Variants in PBK observed in about 807,000 individuals in gnomAD.
PBK encodes the protein PDZ binding kinase, also known as lymphokine-activated killer T-cell-originated protein kinase.
PBK carries 22 observed loss-of-function variants against 33.5 expected under a neutral mutation model. That is an observed-to-expected ratio of 0.66 (90% CI 0.47 to 0.94). The LOEUF (loss-of-function observed/expected upper bound fraction) is 0.94, where lower values mean the gene tolerates loss of function less well. PBK is among the 40% of genes least tolerant of loss of function. PBK has a pLI of 0.00. For missense variants in PBK, 376 were observed against 383.4 expected (o/e 0.98, Z 0.16); for synonymous variants, 129 against 123.8 (o/e 1.04, Z -0.28).
At chr8:27,812,305 C>G (rs1358952417) in intron 6 of PBK, 1 of 152,068 alleles carries the variant, frequency 6.6e-6, no homozygotes, top group Non-Finnish European at 1.5e-5. Flanking sequence ...TTTTCGGTAT[C>G]TATTGAGATA....
At position 27,809,893 on chromosome 8, in the gene PBK, G is replaced by A. The variant is rs112744328; in HGVS notation, c.*412C>T. On this transcript the variant is annotated 3_prime_UTR_variant, in exon 8 of 8. Coordinates refer to ENST00000301905, the MANE Select transcript of PBK (RefSeq NM_018492.4). Reference sequence around the variant, plus strand: ...CATTTGATAAACACATCAGCAAAAGGTTCAGTGTTTTAAACAAATGTAGAC... The same window carrying A: ...CATTTGATAAACACATCAGCAAAAGATTCAGTGTTTTAAACAAATGTAGAC... 1,201 of 158,418 alleles carry A rather than the reference G, an allele frequency of 7.6e-3. 14 individuals are homozygous for A. Among genetic ancestry groups the A allele is most frequent in the African/African-American group, 0.027 (1,135 of 41,562 alleles). 9.8% of individuals were successfully genotyped at this position (158,418 alleles called of 1,614,324 possible).
intron 3 of PBK, among the ~76,000 whole-genome samples, chr8:27,827,817 A>G (rs1806054721): frequency 6.6e-6 from 1 of 152,218 alleles, no homozygotes; most frequent in African/African-American, 2.4e-5. Flanking sequence ...AATTACCACA[A>G]AGGAACCCTT....
chr8:27,811,937 C>G (rs1229018831), intron 6 of PBK: 2 of 152,104 alleles, frequency 1.3e-5, no homozygotes, highest in Admixed American at 1.3e-4. Context: ...CAATTATATA[C>G]TGCTAATACA....
At chr8:27,828,242 A>C (rs776498886) in intron 2 of PBK, 44 bp from the exon 3 acceptor site, 3 of 910,220 alleles carry the variant, frequency 3.3e-6, no homozygotes, top group Non-Finnish European at 5.1e-6. Flanking sequence ...AAAAAATAAA[A>C]ATAAAGCATC....
At chr8:27,812,929 A>G (rs763948184) in intron 6 of PBK, among the ~76,000 whole-genome samples, 13 of 152,348 alleles carry the variant, frequency 8.5e-5, no homozygotes, top group Middle Eastern at 6.8e-3. Flanking sequence ...TCAAGGATCT[A>G]GAACTAGAAA....
chr8:27,811,196 A>T, intron 6 of PBK, 62 bp from the exon 7 acceptor site: 1 of 1,468,872 alleles, frequency 6.8e-7, no homozygotes, highest in Non-Finnish European at 9.5e-7. Flanking sequence ...CAAGCAACCC[A>T]AAGGGAAACA....
At chr8:27,812,691 C>T (rs906423796) in intron 6 of PBK, 5 of 149,802 alleles carry the variant, frequency 3.3e-5, no homozygotes, top group African/African-American at 1.2e-4. Flanking sequence ...CAAAAGAAGA[C>T]ATTTATGCAG....
intron 1 of PBK, among the ~76,000 whole-genome samples, chr8:27,834,165 C>A (rs538059814): frequency 6.6e-6 from 1 of 151,986 alleles, no homozygotes; most frequent in Non-Finnish European, 1.5e-5. Context: ...GTAGCTGGGA[C>A]TACCAGCGCC....
At chr8:27,812,447 A>G (rs970887182) in intron 6 of PBK, 3 of 152,182 alleles carry the variant, frequency 2.0e-5, no homozygotes, top group Admixed American at 6.5e-5. Flanking sequence ...ACCAAAAGCA[A>G]TGGCAGCAAA....
chr8:27,831,267 C>G (rs1806124078), intron 2 of PBK, among the ~76,000 whole-genome samples: 1 of 152,038 alleles, frequency 6.6e-6, no homozygotes, highest in South Asian at 2.1e-4. Flanking sequence ...GCACCAGAAT[C>G]ACTTGAGCCC....
rs1805907461 is a variant in PBK, at chr8:27,820,682, C to T, written c.478G>A (p.Glu160Lys). 1 of 1,557,122 alleles carries T rather than the reference C, an allele frequency of 6.4e-7. No homozygotes were observed. The highest frequency in any genetic ancestry group is 1.4e-5 in the African/African-American group (1 of 72,998). Residue 160 changes from glutamate to lysine, a missense_variant, in exon 6 of 8, where the codon GAA becomes AAA. Physicochemically the swap from Glu to Lys is moderately conservative, Grantham distance 56. Transcript: ENST00000301905. ...MARGLKYLHQEKKLLHGDIKS... is the reference protein window; with the variant it reads ...MARGLKYLHQKKKLLHGDIKS... ...ATGTCTCCATGAAGCAGTTTCTTTTCTTGGTGCAGATACTAAAATAGTAAA... is the reference window on the plus strand; with the variant it reads ...ATGTCTCCATGAAGCAGTTTCTTTTTTTGGTGCAGATACTAAAATAGTAAA...
chr8:27,821,285 A>G (rs4538827), intron 5 of PBK, among the ~76,000 whole-genome samples: 130,706 of 152,136 alleles, frequency 0.86, 56,297 homozygotes, highest in East Asian at 0.97. Context: ...TTTCCAAGAC[A>G]GAGTCTTGCT....
chr8:27,821,089 A>G (rs1805919092), intron 5 of PBK, among the ~76,000 whole-genome samples: 1 of 152,016 alleles, frequency 6.6e-6, no homozygotes, highest in African/African-American at 2.4e-5. Context: ...CAGTCTCCCA[A>G]AGTGCTGGGA....
chr8:27,836,097 C>T (rs775859113), intron 1 of PBK, among the ~76,000 whole-genome samples: 3 of 152,070 alleles, frequency 2.0e-5, no homozygotes, highest in Middle Eastern at 3.4e-3. Context: ...TGGGAAGGGG[C>T]TTAATATTTG....
intron 6 of PBK, chr8:27,811,904 T>TA (rs2128961046): frequency 6.6e-6 from 1 of 152,338 alleles, no homozygotes. Flanking sequence ...TACTTGTAAA[T>TA]AGATTTTAAA....
intron 6 of PBK, among the ~76,000 whole-genome samples, chr8:27,813,369 A>G (rs1005113796): frequency 1.3e-5 from 2 of 152,140 alleles, no homozygotes; most frequent in Non-Finnish European, 2.9e-5. Flanking sequence ...GTAAATGACT[A>G]GTTAATGGGT....
At chr8:27,829,740 G>A (rs1309487189) in intron 2 of PBK, among the ~76,000 whole-genome samples, 3 of 151,976 alleles carry the variant, frequency 2.0e-5, no homozygotes, top group African/African-American at 7.3e-5. Context: ...GGTGGCACGT[G>A]CCTGTAATCC....
At chr8:27,835,099 T>G (rs111968397) in intron 1 of PBK, among the ~76,000 whole-genome samples, 1,524 of 152,284 alleles carry the variant, frequency 0.01, 25 homozygotes, top group African/African-American at 0.034. Flanking sequence ...CATTTGTCTA[T>G]AAAAAGTTGG....
chr8:27,823,522 C>T (rs1406159420), intron 3 of PBK, among the ~76,000 whole-genome samples: 2 of 151,860 alleles, frequency 1.3e-5, no homozygotes, highest in Non-Finnish European at 2.9e-5. Context: ...GCATGTTGGA[C>T]TACAACTTAT....
Sources: gnomAD v4.1 joint callset for allele counts (sites outside exome capture counted in the v4.1 genomes callset) on GRCh38, gnomAD v4.1.1 for gene constraint, MANE v1.5 for transcripts, NCBI Gene and HGNC (gene_info 2026-07-23, HGNC 2026-07-21) for gene names.